CTNNBIP1: variants seen among roughly 807,000 people sequenced by gnomAD.
The protein encoded by CTNNBIP1 is beta-catenin-interacting protein 1.
In CTNNBIP1, 7 loss-of-function variants were observed where a neutral mutation model predicts 11.8. The ratio of observed to expected loss-of-function variants is 0.60; its 90% confidence interval spans 0.34 to 1.12. CTNNBIP1 has a LOEUF of 1.12. Ranked by LOEUF, CTNNBIP1 falls within the 50% of genes most tolerant of loss-of-function variation. The pLI, the probability that CTNNBIP1 is intolerant of heterozygous loss-of-function variation, is 0.03. For synonymous variants in CTNNBIP1, 58 were observed against 43.9 expected, an observed-to-expected ratio of 1.32 and a Z score of -1.26; for missense variants, 101 against 113.4, an observed-to-expected ratio of 0.89 and a Z score of 0.50.
intron 1 of CTNNBIP1, among the ~76,000 whole-genome samples, chr1:9,900,356 G>A (rs949606446): frequency 2.0e-5 from 3 of 152,110 alleles, no homozygotes; most frequent in Non-Finnish European, 2.9e-5. Flanking sequence ...AGCTGTGATC[G>A]TGTCACCACA....
intron 1 of CTNNBIP1, among the ~76,000 whole-genome samples, chr1:9,889,645 C>A (rs1639258446): frequency 6.6e-6 from 1 of 152,214 alleles, no homozygotes; most frequent in East Asian, 1.9e-4. Flanking sequence ...CGCATCACCG[C>A]CCCAACACTG....
At position 9,871,269 on chromosome 1, in the gene CTNNBIP1, G is replaced by C; in HGVS notation, c.105C>G (p.Ala35=). 2 of 1,568,150 alleles carry C rather than the reference G, an allele frequency of 1.3e-6. No homozygotes were observed. Among genetic ancestry groups the C allele is most frequent in the Non-Finnish European group, 1.7e-6 (2 of 1,156,512 alleles). ...MLRKMGSNLT[A]SEEEFLRTYA... is the part of the protein sequence containing the mutation. The stretch of plus-strand genomic sequence containing the variant: ...AGGTGCGCAGGAACTCCTCCTCGCT[G>C]GCTGTCAGCTGCAGGGTGAGAGAGC... Residue 35 remains alanine, a synonymous_variant, in exon 5 of 6, where the codon GCC becomes GCG. Transcript: ENST00000377263. This position sits in a 1 kb window ranked among gnomAD's most constrained non-coding sequence, Gnocchi z 5.2.
chr1:9,863,847 C>A (rs1638685224), intron 5 of CTNNBIP1, among the ~76,000 whole-genome samples: 1 of 152,206 alleles, frequency 6.6e-6, no homozygotes, highest in Non-Finnish European at 1.5e-5. Flanking sequence ...CATGCCACCA[C>A]CCCTAATAGG....
chr1:9,862,652 G>A (rs957062377), intron 5 of CTNNBIP1, among the ~76,000 whole-genome samples: 1 of 152,052 alleles, frequency 6.6e-6, no homozygotes, highest in Non-Finnish European at 1.5e-5. Flanking sequence ...GGAGAATCCT[G>A]TAGCATCCTT....
intron 5 of CTNNBIP1, among the ~76,000 whole-genome samples, chr1:9,869,047 T>G (rs1275601097): frequency 2.6e-5 from 4 of 152,252 alleles, no homozygotes; most frequent in Non-Finnish European, 4.4e-5. Flanking sequence ...TTGCCCAGGC[T>G]GGGGTGCAGT....
intron 5 of CTNNBIP1, among the ~76,000 whole-genome samples, chr1:9,869,995 G>C (rs1383809166): frequency 6.6e-6 from 1 of 152,252 alleles, no homozygotes; most frequent in Non-Finnish European, 1.5e-5. Context: ...TGCGTGGTGA[G>C]CTGCTGTCCC....
At chr1:9,873,776 C>T (rs1392202596) in intron 3 of CTNNBIP1, among the ~76,000 whole-genome samples, 1 of 152,156 alleles carries the variant, frequency 6.6e-6, no homozygotes, top group African/African-American at 2.4e-5. Flanking sequence ...CCTCTGTCGC[C>T]CAGGCTGGAG....
rs565135255 is a variant in CTNNBIP1 at position 9,867,966 on chromosome 1, G to A, written c.187+3221C>T. On this transcript the variant is annotated intron_variant, in intron 5 of 5. Coordinates refer to ENST00000377263, the MANE Select transcript of CTNNBIP1 (RefSeq NM_020248.3). This position sits in a 1 kb window ranked among gnomAD's most constrained non-coding sequence, Gnocchi z 4.6. Reference sequence around the variant, plus strand: ...ATGGGTAAGCCCAGTATGGGACTGGGCTGATTGCAGTTCTGCTGTTATTGT... The same window carrying A: ...ATGGGTAAGCCCAGTATGGGACTGGACTGATTGCAGTTCTGCTGTTATTGT... Among the ~76,000 whole-genome samples the A allele has an allele frequency of 1.2e-4, 18 of 152,362 alleles. No individual in the cohort carries two copies. The highest frequency in any genetic ancestry group is 2.4e-4 in the Non-Finnish European group (16 of 68,034).
chr1:9,901,108 A>C (rs1412835322), intron 1 of CTNNBIP1, among the ~76,000 whole-genome samples: 2 of 152,234 alleles, frequency 1.3e-5, no homozygotes, highest in African/African-American at 2.4e-5. Flanking sequence ...CCAACACACA[A>C]AAAAGAAATG....
intron 1 of CTNNBIP1, among the ~76,000 whole-genome samples, chr1:9,908,309 G>A (rs926207969): frequency 5.3e-5 from 8 of 150,502 alleles, no homozygotes; most frequent in Non-Finnish European, 1.0e-4. Context: ...TGCCCGCCTT[G>A]GCCTCCCAAA....
Position 9,898,283 on chromosome 1 carries a change from T to C in CTNNBIP1, c.-144+11812A>G, listed in dbSNP as rs563006037. Among the ~76,000 whole-genome samples the C allele has an allele frequency of 1.2e-4, 19 of 152,230 alleles. No individual in the cohort carries two copies. The East Asian group carries it at 3.7e-3, about 29-fold the overall frequency. ...GCTCACACCTGTAATCCTAGCCCTT[T>C]GGGAGGCCAAGGTGGGCGCATCACG... On this transcript the variant is annotated intron_variant, in intron 1 of 5. Coordinates refer to ENST00000377263, the MANE Select transcript of CTNNBIP1 (RefSeq NM_020248.3).
intron 1 of CTNNBIP1, among the ~76,000 whole-genome samples, chr1:9,906,656 G>A (rs1369750236): frequency 6.6e-6 from 1 of 152,202 alleles, no homozygotes; most frequent in African/African-American, 2.4e-5. Context: ...CACAGGCAAG[G>A]ATGGAGAGAG....
chr1:9,870,937 A>G (rs2101477889), intron 5 of CTNNBIP1, among the ~76,000 whole-genome samples: 1 of 152,262 alleles, frequency 6.6e-6, no homozygotes, highest in South Asian at 2.1e-4. Context: ...CAGGCCTTAG[A>G]AAGGGATCCT....
At chr1:9,900,363 C>T (rs886172699) in intron 1 of CTNNBIP1, among the ~76,000 whole-genome samples, 2 of 151,614 alleles carry the variant, frequency 1.3e-5, no homozygotes, top group African/African-American at 4.8e-5. Flanking sequence ...ATCGTGTCAC[C>T]ACACTCCAGC....
intron 3 of CTNNBIP1, among the ~76,000 whole-genome samples, chr1:9,875,019 C>G (rs1269482141): frequency 6.6e-6 from 1 of 152,170 alleles, no homozygotes; most frequent in South Asian, 2.1e-4. Flanking sequence ...TGGTGAGAGA[C>G]AGGGTGAAAT....
chr1:9,881,539 A>G (rs960711803), intron 2 of CTNNBIP1, among the ~76,000 whole-genome samples: 26 of 151,736 alleles, frequency 1.7e-4, no homozygotes, highest in African/African-American at 5.8e-4. Context: ...GGATTTCACC[A>G]TGTTGGCCAG....
intron 1 of CTNNBIP1, among the ~76,000 whole-genome samples, chr1:9,894,459 G>T (rs1639368451): frequency 6.6e-6 from 1 of 151,894 alleles, no homozygotes; most frequent in Non-Finnish European, 1.5e-5. Flanking sequence ...GGGCTCAAGT[G>T]ATCCTCCCCC....
intron 3 of CTNNBIP1, among the ~76,000 whole-genome samples, chr1:9,876,475 G>C (rs921384662): frequency 4.6e-5 from 7 of 152,182 alleles, no homozygotes; most frequent in Non-Finnish European, 1.0e-4. Flanking sequence ...AAAATTAGCT[G>C]GGCGAGGTGG....
intron 5 of CTNNBIP1, among the ~76,000 whole-genome samples, chr1:9,861,260 C>T (rs1422496405): frequency 6.6e-6 from 1 of 152,208 alleles, no homozygotes; most frequent in East Asian, 1.9e-4. Flanking sequence ...GAAAGGCTAC[C>T]TGGAAAAGCA....
Sources: gnomAD v4.1 joint callset for allele counts (sites outside exome capture counted in the v4.1 genomes callset) on GRCh38, gnomAD v4.1.1 for gene constraint, Gnocchi (gnomAD v3.1) non-coding constraint, MANE v1.5 for transcripts, NCBI Gene and HGNC (gene_info 2026-07-23, HGNC 2026-07-21) for gene names.